Variants in NFIX observed in about 807,000 individuals in gnomAD.
NFIX encodes the protein nuclear factor I X.
A neutral mutation model predicts 53.3 loss-of-function variants in NFIX; 2 were observed. The observed-to-expected ratio is 0.04, with a 90% CI of 0.02 to 0.12. The LOEUF is 0.12. Ranked by LOEUF, NFIX falls within the 10% of genes least tolerant of loss-of-function variation. NFIX has a pLI of 1.00. For missense variants in NFIX, 310 were observed against 674.5 expected, an observed-to-expected ratio of 0.46 and a Z score of 5.99; for synonymous variants, 244 against 289.0, an observed-to-expected ratio of 0.84 and a Z score of 1.58.
In NFIX at chr19:13,013,691, T is replaced by G. The variant is rs1160355052; in HGVS notation, c.28-11330T>G. The G allele has an allele frequency of 6.6e-6, 1 of 152,228 alleles. No homozygotes were observed. The highest frequency in any genetic ancestry group is 1.5e-5 in the Non-Finnish European group (1 of 68,044). The allele number at this position is 152,228 out of a possible 1,614,324, so 9.4% of individuals were successfully genotyped here. A position where few individuals can be genotyped will look rare whatever the true frequency, so the allele number is the denominator to read the frequency against. On this transcript the variant is annotated intron_variant, in intron 1 of 10. Coordinates refer to ENST00000592199, the MANE Select transcript of NFIX (RefSeq NM_001365902.3). The surrounding 1 kb of genome is among the most constrained non-coding windows in gnomAD (Gnocchi z 5.9). ...TTAAAGGAGTTTTATTACTTCTTTT[T>G]TTTTTATAAAGCATGTGAGACAGAG...
chr19:13,065,808 G>A (rs1257609481), intron 2 of NFIX, among the ~76,000 whole-genome samples: 7 of 152,156 alleles, frequency 4.6e-5, no homozygotes, highest in Non-Finnish European at 7.4e-5. Context: ...GCTAATGAAC[G>A]GGAGCCAAGC....
In NFIX at chr19:13,008,393, C is replaced by T. The variant is rs149421823; in HGVS notation, c.27+12529C>T. Among the ~76,000 whole-genome samples, 13 of 152,270 alleles carry T rather than the reference C, an allele frequency of 8.5e-5. No individual in the cohort carries two copies. The East Asian group carries it at 1.2e-3, about 14-fold the overall frequency. ...TGGTATACAAGCAATGCTCCAGTGT[C>T]GGCAGGCATTTCTGCCAGTCCTGAC... On this transcript the variant is annotated intron_variant, in intron 1 of 10. Transcript: ENST00000592199.
chr19:13,024,134 A>C, intron 1 of NFIX: 1 of 844,830 alleles, frequency 1.2e-6, no homozygotes. Flanking sequence ...AAAAAAACCA[A>C]ACAAAACCGA....
At chr19:13,017,997 C>T (rs2012757527) in intron 1 of NFIX, among the ~76,000 whole-genome samples, 2 of 152,214 alleles carry the variant, frequency 1.3e-5, no homozygotes, top group Admixed American at 6.5e-5. Flanking sequence ...CATCCCCATG[C>T]AGCCTGCCGG....
Position 13,028,341 on chromosome 19 carries a change from AG to A in NFIX, c.559+2792del, listed in dbSNP as rs1432412520. On this transcript the variant is annotated intron_variant, in intron 2 of 10. Coordinates refer to ENST00000592199, the MANE Select transcript of NFIX (RefSeq NM_001365902.3). This position sits in a 1 kb window ranked among gnomAD's most constrained non-coding sequence, Gnocchi z 4.2. ...TAAGTGTTTTTCCTTTTCTTAAGACAGGGCTGAAGAGCCAGATCTGGGCTGA... is the reference window on the plus strand; with the variant it reads ...TAAGTGTTTTTCCTTTTCTTAAGACAGGCTGAAGAGCCAGATCTGGGCTGA... Among the ~76,000 whole-genome samples, 1 of 152,174 alleles carries A rather than the reference AG, an allele frequency of 6.6e-6. No homozygotes were observed. Among genetic ancestry groups the A allele is most frequent in the East Asian group, 1.9e-4 (1 of 5,192 alleles).
Position 13,087,909 on chromosome 19 carries a change from G to A in NFIX, c.1255-80G>A, listed in dbSNP as rs1273559542. On this transcript the variant is annotated intron_variant, in intron 8 of 10. Transcript: ENST00000592199. ...ACCGGGAGCGCCCGCTCTCAGGAGC[G>A]AGCTGGCGCGGCCGCGCAGGGGAGC... is the stretch of plus-strand genomic sequence containing the variant. The A allele has an allele frequency of 1.6e-5, 24 of 1,506,776 alleles. No homozygotes were observed. The Admixed American group carries it at 4.6e-4, about 29-fold the overall frequency. The allele number at this position is 1,506,776 out of a possible 1,614,324, so 93.3% of individuals were successfully genotyped here.
intron 8 of NFIX, among the ~76,000 whole-genome samples, chr19:13,082,883 A>G (rs2017551886): frequency 6.6e-6 from 1 of 152,214 alleles, no homozygotes; most frequent in Admixed American, 6.5e-5. Flanking sequence ...CCCACACCAG[A>G]GGCTGCCTGC....
In NFIX at chr19:13,081,321, C is replaced by T. The variant is rs1363075422; in HGVS notation, c.1079-359C>T. 2.6e-5 allele frequency among the ~76,000 whole-genome samples: 4 copies of T among 151,992 alleles called. No homozygotes were observed. The highest frequency in any genetic ancestry group is 5.9e-5 in the Non-Finnish European group (4 of 68,002). On this transcript the variant is annotated intron_variant, in intron 7 of 10. Transcript: ENST00000592199. The surrounding 1 kb of genome is among the most constrained non-coding windows in gnomAD (Gnocchi z 4.7). Reference sequence around the variant, plus strand: ...CCTGTCTCAAATAATAATAATAACACTTTTTTAAAAAGCCAAATAAAATAA... The same window carrying T: ...CCTGTCTCAAATAATAATAATAACATTTTTTTAAAAAGCCAAATAAAATAA...
intron 2 of NFIX, among the ~76,000 whole-genome samples, chr19:13,055,543 A>C (rs2015615513): frequency 6.6e-6 from 1 of 152,242 alleles, no homozygotes; most frequent in East Asian, 1.9e-4. Flanking sequence ...GTGTCTGTGG[A>C]GTGAGGAGCC....
At chr19:13,003,303 G>A (rs1026241086) in intron 1 of NFIX, among the ~76,000 whole-genome samples, 1 of 152,148 alleles carries the variant, frequency 6.6e-6, no homozygotes, top group African/African-American at 2.4e-5. Context: ...CATCGATGCG[G>A]CATTACACAC....
Position 13,073,815 on chromosome 19 carries a change from T to C in NFIX, c.698-91T>C. The C allele has an allele frequency of 6.4e-7, 1 of 1,559,516 alleles. No homozygotes were observed. The highest frequency in any genetic ancestry group is 1.1e-5 in the South Asian group (1 of 87,242). ...TCCTGGCCCCACAGTAAACTCACCCTGGGCTTCTGGGAAGCTGTTCATGAC... is the reference window on the plus strand; with the variant it reads ...TCCTGGCCCCACAGTAAACTCACCCCGGGCTTCTGGGAAGCTGTTCATGAC... On this transcript the variant is annotated intron_variant, in intron 4 of 10. Coordinates refer to ENST00000592199, the MANE Select transcript of NFIX (RefSeq NM_001365902.3). This position sits in a 1 kb window ranked among gnomAD's most constrained non-coding sequence, Gnocchi z 4.5.
chr19:13,091,625 G>C (rs534241504), intron 10 of NFIX, among the ~76,000 whole-genome samples: 1 of 152,090 alleles, frequency 6.6e-6, no homozygotes, highest in East Asian at 1.9e-4. Context: ...CAATGGCTCC[G>C]AGCAGGGGCT....
intron 7 of NFIX, among the ~76,000 whole-genome samples, chr19:13,079,019 G>C (rs755797280): frequency 6.6e-6 from 1 of 152,172 alleles, no homozygotes; most frequent in Non-Finnish European, 1.5e-5. Flanking sequence ...AGCCTGTCCC[G>C]AGTCCTCCCC....
Position 13,028,865 on chromosome 19 carries a change from A to G in NFIX, c.559+3313A>G, listed in dbSNP as rs566948085. 6.6e-6 allele frequency among the ~76,000 whole-genome samples: 1 copy of G among 152,260 alleles called. No homozygotes were observed. The highest frequency in any genetic ancestry group is 1.9e-4 in the East Asian group (1 of 5,180). ...AGAACCGCTGCTAGACTATCTCCAA[A>G]GTTTCTGCAGCACCCTGAAGGTGAA... is the stretch of plus-strand genomic sequence containing the variant. On this transcript the variant is annotated intron_variant, in intron 2 of 10. Transcript: ENST00000592199. The surrounding 1 kb of genome is among the most constrained non-coding windows in gnomAD (Gnocchi z 4.2).
chr19:13,006,843 G>T lies in NFIX; in HGVS notation c.27+10979G>T, dbSNP rs1289606322. Among the ~76,000 whole-genome samples the T allele has an allele frequency of 6.6e-6, 1 of 152,192 alleles. No individual in the cohort carries two copies. The highest frequency in any genetic ancestry group is 1.5e-5 in the Non-Finnish European group (1 of 68,024). On this transcript the variant is annotated intron_variant, in intron 1 of 10. Transcript: ENST00000592199. This position sits in a 1 kb window ranked among gnomAD's most constrained non-coding sequence, Gnocchi z 5.6. Reference sequence around the variant, plus strand: ...GCTGGCAACCACCGTGCCCAGCCTGGTGGCATTTGGTTTGGCGCCCTGCCT... The same window carrying T: ...GCTGGCAACCACCGTGCCCAGCCTGTTGGCATTTGGTTTGGCGCCCTGCCT...
chr19:13,035,253 C>T (rs796753004), intron 2 of NFIX, among the ~76,000 whole-genome samples: 1 of 152,200 alleles, frequency 6.6e-6, no homozygotes, highest in African/African-American at 2.4e-5. Flanking sequence ...CCTGTGTGTC[C>T]TGTGTTGTTT....
intron 1 of NFIX, among the ~76,000 whole-genome samples, chr19:13,008,538 T>G (rs950146067): frequency 5.3e-5 from 8 of 152,234 alleles, no homozygotes; most frequent in African/African-American, 1.9e-4. Flanking sequence ...TCTTCCCGTC[T>G]CTGTGATTTT....
intron 1 of NFIX, among the ~76,000 whole-genome samples, chr19:13,020,526 T>C (rs1232289143): frequency 6.6e-6 from 1 of 152,066 alleles, no homozygotes; most frequent in African/African-American, 2.4e-5. Flanking sequence ...ATAGAGAGAA[T>C]GGGGTGAGGG....
chr19:13,068,123 AAAAC>A lies in NFIX; in HGVS notation c.560-4920_560-4917del, dbSNP rs2016543930. ...CCATCTCAAAAAAAAAACAAAAACA[AAAAC>A]AAAAAACAAAAACATGCTGTCAGTT... On this transcript the variant is annotated intron_variant, in intron 2 of 10. Coordinates refer to ENST00000592199, the MANE Select transcript of NFIX (RefSeq NM_001365902.3). The surrounding 1 kb of genome is among the most constrained non-coding windows in gnomAD (Gnocchi z 4.2). Among the ~76,000 whole-genome samples, 1 of 151,886 alleles carries A rather than the reference AAAAC, an allele frequency of 6.6e-6. No individual in the cohort carries two copies. Among genetic ancestry groups the A allele is most frequent in the Admixed American group, 6.6e-5 (1 of 15,258 alleles).
Sources: allele counts gnomAD v4.1 joint callset (sites outside exome capture counted in the v4.1 genomes callset), GRCh38; gene constraint gnomAD v4.1.1; non-coding constraint Gnocchi (gnomAD v3.1); transcripts MANE v1.5; gene names NCBI Gene and HGNC (gene_info 2026-07-23, HGNC 2026-07-21).